ZNF142: variants seen among roughly 807,000 people sequenced by gnomAD.
The protein encoded by ZNF142 is zinc finger protein 142 (clone pHZ-49).
A neutral mutation model predicts 132.1 loss-of-function variants in ZNF142; 96 were observed. That is an observed-to-expected ratio of 0.73 (90% confidence interval 0.62 to 0.86). The LOEUF (loss-of-function observed/expected upper bound fraction) is 0.86. ZNF142 is among the 40% of genes least tolerant of loss of function. The pLI, the probability that ZNF142 is intolerant of heterozygous loss-of-function variation, is 0.00. For synonymous variants in ZNF142, 842 were observed against 890.1 expected, an observed-to-expected ratio of 0.95 and a Z score of 0.96; for missense variants, 2,163 against 2,336.2, an observed-to-expected ratio of 0.93 and a Z score of 1.53.
At chr2:218,640,913 C>T (rs1697127470) in intron 9 of ZNF142, 144 bp from the exon 10 acceptor site, 4 of 619,818 alleles carry the variant, frequency 6.5e-6, no homozygotes, top group Non-Finnish European at 8.3e-6. Context: ...TCTTAATCTT[C>T]AGTTTACTTG....
At position 218,634,113 on chromosome 2, in the gene ZNF142, T is replaced by A. The variant is rs776112869; in HGVS notation, c.*4226A>T. ...TCTATACCCTTTTACAGGCAATGAG[T>A]TTGTGCAGCACAATACTTGGCAGTT... On this transcript the variant is annotated 3_prime_UTR_variant, in exon 11 of 11. Coordinates refer to ENST00000411696, the MANE Select transcript of ZNF142 (RefSeq NM_001379659.1). This position sits in a 1 kb window ranked among gnomAD's most constrained non-coding sequence, Gnocchi z 4.0. 2 of 1,609,784 alleles carry A rather than the reference T, an allele frequency of 1.2e-6. No individual in the cohort carries two copies. Among genetic ancestry groups the A allele is most frequent in the South Asian group, 2.2e-5 (2 of 90,134 alleles).
rs1295819179 is a variant in ZNF142, at chr2:218,633,830, G to A, written c.*4509C>T. ...AGGTTCAGGCCTGATGGACTGGCAGGTAAGTCCCAAGAAAAAAGACAAGGT... is the reference window on the plus strand; with the variant it reads ...AGGTTCAGGCCTGATGGACTGGCAGATAAGTCCCAAGAAAAAAGACAAGGT... On this transcript the variant is annotated 3_prime_UTR_variant, in exon 11 of 11. Coordinates refer to ENST00000411696, the MANE Select transcript of ZNF142 (RefSeq NM_001379659.1). 4 of 1,559,522 alleles carry A rather than the reference G, an allele frequency of 2.6e-6. No individual in the cohort carries two copies. Among genetic ancestry groups the A allele is most frequent in the Non-Finnish European group, 3.5e-6 (4 of 1,140,102 alleles).
In ZNF142 at chr2:218,642,915, G is replaced by A. The variant is rs778485502; in HGVS notation, c.4201C>T (p.Gln1401Ter). The change falls in exon 9 of 11, where the codon CAG (glutamine) becomes TAG (stop). Residue 1401 changes from glutamine to a stop codon, truncating the protein, a stop_gained. Coordinates refer to ENST00000411696, the MANE Select transcript of ZNF142 (RefSeq NM_001379659.1). LOFTEE classifies it high-confidence loss of function. This position sits in a 1 kb window ranked among gnomAD's most constrained non-coding sequence, Gnocchi z 4.6. ...RLKHEGVKPH[Q>*]CPFCDFSTTR... ...GTCGAAAAGTCACAGAAGGGGCACTGATGGGGCTTCACCCCCTCGTGCTTG... is the reference window on the plus strand; with the variant it reads ...GTCGAAAAGTCACAGAAGGGGCACTAATGGGGCTTCACCCCCTCGTGCTTG... 1 of 1,613,924 alleles carries A rather than the reference G, an allele frequency of 6.2e-7. No homozygotes were observed. The highest frequency in any genetic ancestry group is 1.1e-5 in the South Asian group (1 of 91,090).
In ZNF142 at chr2:218,650,350, T is replaced by G; in HGVS notation, c.1048+9A>C. 1 of 1,614,118 alleles carries G rather than the reference T, an allele frequency of 6.2e-7. No homozygotes were observed. The highest frequency in any genetic ancestry group is 8.5e-7 in the Non-Finnish European group (1 of 1,180,030). On this transcript the variant is annotated intron_variant, in intron 6 of 10. Coordinates refer to ENST00000411696, the MANE Select transcript of ZNF142 (RefSeq NM_001379659.1). ...CCACCAAGGGCTTCAAGCCTCAGAA[T>G]GTCATTACCTTCCAGCCGCTGAGCC...
Position 218,650,497 on chromosome 2 carries a change from G to T in ZNF142, c.910C>A (p.Pro304Thr), listed in dbSNP as rs189959800. 5.5e-5 allele frequency: 88 copies of T among 1,605,192 alleles called. No homozygotes were observed. The East Asian group carries it at 1.9e-3, about 34-fold the overall frequency. The change falls in exon 6 of 11, where the codon CCT becomes ACT. Residue 304 changes from proline (P) to threonine (T), a missense_variant. Physicochemically the swap from Pro to Thr is conservative, Grantham distance 38. Transcript: ENST00000411696. ...AAGGGTGTACCTGCTTCCTGTGAAGGTTCTCTCTCTCCTGGAGGCAGTTTG... is the reference window on the plus strand; with the variant it reads ...AAGGGTGTACCTGCTTCCTGTGAAGTTTCTCTCTCTCCTGGAGGCAGTTTG... ...APKLPPGERE[P>T]SQEAGTPLPG...
Position 218,644,015 on chromosome 2 carries a change from C to T in ZNF142, c.3101G>A (p.Arg1034Gln), listed in dbSNP as rs1559292903. 22 of 1,613,964 alleles carry T rather than the reference C, an allele frequency of 1.4e-5. No homozygotes were observed. Among genetic ancestry groups the T allele is most frequent in the Admixed American group, 6.7e-5 (4 of 59,992 alleles). Residue 1034 changes from arginine (R) to glutamine (Q), a missense_variant, in exon 9 of 11, where the codon CGA becomes CAA. Arg to Gln is a conservative substitution (Grantham distance 43). Transcript: ENST00000411696. The surrounding 1 kb of genome is among the most constrained non-coding windows in gnomAD (Gnocchi z 4.6). Reference sequence around the variant, plus strand: ...AGGGCAGTGTGGGCAGCGGAAGGCTCGCCCCTCTCCCTGGATCACTACCAT... The same window carrying T: ...AGGGCAGTGTGGGCAGCGGAAGGCTTGCCCCTCTCCCTGGATCACTACCAT... ...VQMVVIQGEG[R>Q]AFRCPHCPFI...
In ZNF142 at chr2:218,638,288, C is replaced by G. The variant is rs761768678; in HGVS notation, c.*51G>C. The G allele has an allele frequency of 6.9e-7, 1 of 1,448,092 alleles. No individual in the cohort carries two copies. Among genetic ancestry groups the G allele is most frequent in the South Asian group, 1.5e-5 (1 of 66,216 alleles). The allele number at this position is 1,448,092 out of a possible 1,614,324, so 89.7% of individuals were successfully genotyped here. On this transcript the variant is annotated 3_prime_UTR_variant, in exon 11 of 11. Transcript: ENST00000411696. ...TCCTCAGGCTAGCGCTGGTCCCAGT[C>G]TGCACATCTCAGACCATACCCTCTT...
rs755371159 is a variant in ZNF142, at chr2:218,643,209, G to A, written c.3907C>T (p.Arg1303Cys). The change falls in exon 9 of 11, where the codon CGC becomes TGC. Residue 1303 changes from arginine (R) to cysteine (C), a missense_variant. Arg to Cys is a radical substitution (Grantham distance 180). Around this residue, in one of 7 missense-constraint regions of ZNF142, gnomAD observed 809 missense variants for 801.7 expected, o/e 1.01. Coordinates refer to ENST00000411696, the MANE Select transcript of ZNF142 (RefSeq NM_001379659.1). ...AAGGGACATGTAGGGCAGGAGAAGC[G>A]AGCCCCCTTCTGCTTTTGAACCAGA... ...TVLVQKQKGA[R>C]FSCPTCPFSC... 13 of 1,614,110 alleles carry A rather than the reference G, an allele frequency of 8.1e-6. No homozygotes were observed. Among genetic ancestry groups the A allele is most frequent in the South Asian group, 3.3e-5 (3 of 91,090 alleles).
At position 218,651,988 on chromosome 2, in the gene ZNF142, G is replaced by T. The variant is rs1442279491; in HGVS notation, c.593C>A (p.Ser198Tyr). ...GTPDTFSCPE[S>Y]GCVFSAEDRK... Reference sequence around the variant, plus strand: ...ATCTTCAGCAGAGAACACACAGCCAGATTCTGGGCAGGAGAAGGTGTCAGG... The same window carrying T: ...ATCTTCAGCAGAGAACACACAGCCATATTCTGGGCAGGAGAAGGTGTCAGG... Residue 198 changes from serine (S) to tyrosine (Y), a missense_variant, in exon 5 of 11, where the codon TCT becomes TAT. Ser to Tyr is a moderately radical substitution (Grantham distance 144, BLOSUM62 -2). Around this residue, in one of 7 missense-constraint regions of ZNF142, gnomAD observed 195 missense variants for 172.4 expected, o/e 1.13. Coordinates refer to ENST00000411696, the MANE Select transcript of ZNF142 (RefSeq NM_001379659.1). 1.3e-5 allele frequency: 10 copies of T among 770,954 alleles called. No homozygotes were observed. The highest frequency in any genetic ancestry group is 1.8e-5 in the African/African-American group (1 of 55,968). The allele number at this position is 770,954 out of a possible 1,614,324, so 47.8% of individuals were successfully genotyped here.
chr2:218,637,994 A>T lies in ZNF142; in HGVS notation c.*345T>A. On this transcript the variant is annotated 3_prime_UTR_variant, in exon 11 of 11. Transcript: ENST00000411696. The stretch of plus-strand genomic sequence containing the variant: ...ATACAACTGTTTTTAGAAGATTCTG[A>T]AAGAAAATAGGAATTGACACAGTAA... 4.8e-6 allele frequency: 1 copy of T among 209,672 alleles called. No individual in the cohort carries two copies. The highest frequency in any genetic ancestry group is 9.4e-6 in the Non-Finnish European group (1 of 106,364). 13.0% of individuals were successfully genotyped at this position (209,672 alleles called of 1,614,324 possible). A position where few individuals can be genotyped will look rare whatever the true frequency, so the allele number is the denominator to read the frequency against.
chr2:218,651,087 A>G (rs1249662442), intron 5 of ZNF142, among the ~76,000 whole-genome samples: 1 of 151,608 alleles, frequency 6.6e-6, no homozygotes, highest in Non-Finnish European at 1.5e-5. Flanking sequence ...CCTGAGCTCA[A>G]GTGATCCCCC....
In ZNF142 at chr2:218,644,378, T is replaced by C. The variant is rs1202629952; in HGVS notation, c.2738A>G (p.Glu913Gly). The C allele has an allele frequency of 6.2e-7, 1 of 1,613,956 alleles. No individual in the cohort carries two copies. The highest frequency in any genetic ancestry group is 1.3e-5 in the African/African-American group (1 of 74,896). The change falls in exon 9 of 11, where the codon GAG (glutamate) becomes GGG (glycine). Residue 913 changes from glutamate to glycine, a missense_variant. By Grantham distance (98) the Glu-to-Gly change is moderately conservative. Transcript: ENST00000411696. The surrounding 1 kb of genome is among the most constrained non-coding windows in gnomAD (Gnocchi z 4.6). ...ELESVTEPPLEEVTETAPMEF... is the reference protein window; with the variant it reads ...ELESVTEPPLGEVTETAPMEF... ...CATAGGGGCTGTTTCAGTGACCTCC[T>C]CAAGGGGTGGCTCAGTCACAGACTC...
rs118037113 is a variant in ZNF142, at chr2:218,656,991, T to C, written c.-34-528A>G. ...GCCACACACGCCCAGGTAAATTTTG[T>C]ATTTTTAACAGCGATGGAGTTTCAC... is the stretch of plus-strand genomic sequence containing the variant. On this transcript the variant is annotated intron_variant, in intron 3 of 10. Transcript: ENST00000411696. Among the ~76,000 whole-genome samples, 204 of 152,214 alleles carry C rather than the reference T, an allele frequency of 1.3e-3. 2 individuals carry two copies. The East Asian group carries it at 0.037, about 28-fold the overall frequency.
At chr2:218,653,140 C>T (rs1372381006) in intron 4 of ZNF142, among the ~76,000 whole-genome samples, 1 of 151,952 alleles carries the variant, frequency 6.6e-6, no homozygotes, top group Non-Finnish European at 1.5e-5. Context: ...ATTAGCCAGG[C>T]GTGGTGGCAC....
rs368561261 is a variant in ZNF142, at chr2:218,644,477, C to G, written c.2639G>C (p.Gly880Ala). The change falls in exon 9 of 11, where the codon GGT becomes GCT. Residue 880 changes from glycine to alanine, a missense_variant. Physicochemically the swap from Gly to Ala is moderately conservative, Grantham distance 60 (BLOSUM62 0). Coordinates refer to ENST00000411696, the MANE Select transcript of ZNF142 (RefSeq NM_001379659.1). This position sits in a 1 kb window ranked among gnomAD's most constrained non-coding sequence, Gnocchi z 4.6. Reference sequence around the variant, plus strand: ...CACCTCTGCTGGGCTGGGACTGCCACCCAGGTCACCCCCATGGGGAGCCTC... The same window carrying G: ...CACCTCTGCTGGGCTGGGACTGCCAGCCAGGTCACCCCCATGGGGAGCCTC... ...GSEAPHGGDLGGSPSPAEVEE... is the reference protein window; with the variant it reads ...GSEAPHGGDLAGSPSPAEVEE... The G allele has an allele frequency of 1.2e-6, 2 of 1,613,990 alleles. No individual in the cohort carries two copies. Among genetic ancestry groups the G allele is most frequent in the South Asian group, 1.1e-5 (1 of 91,078 alleles).
chr2:218,650,974 CCTTT>C (rs1005164626), intron 5 of ZNF142, among the ~76,000 whole-genome samples: 3 of 147,088 alleles, frequency 2.0e-5, no homozygotes, highest in Admixed American at 7.2e-5. Flanking sequence ...TTCCTAAGTT[CCTTT>C]CTTTACTTCT....
In ZNF142 at chr2:218,651,836, G is replaced by A. The variant is rs1350537033; in HGVS notation, c.745C>T (p.Pro249Ser). ...GMELHRQAHY[P>S]FHCSHCSFIG... ...AAGCTGCAGTGGCTGCAGTGGAAAG[G>A]GTAATGCGCCTGCCGGTGCAGCTCC... is the stretch of plus-strand genomic sequence containing the variant. Residue 249 changes from proline to serine, a missense_variant, in exon 5 of 11, where the codon CCT (proline) becomes TCT (serine). Around this residue, in one of 7 missense-constraint regions of ZNF142, gnomAD observed 63 missense variants for 104.1 expected, o/e 0.61. Transcript: ENST00000411696. The A allele has an allele frequency of 1.6e-6, 2 of 1,289,858 alleles. No individual in the cohort carries two copies. The highest frequency in any genetic ancestry group is 2.0e-6 in the Non-Finnish European group (2 of 988,856). The allele number at this position is 1,289,858 out of a possible 1,614,324, so 79.9% of individuals were successfully genotyped here. A position where few individuals can be genotyped will look rare whatever the true frequency, so the allele number is the denominator to read the frequency against.
rs1176090369 is a variant in ZNF142 at position 218,643,001 on chromosome 2, T to G, written c.4115A>C (p.Gln1372Pro). Residue 1372 changes from glutamine to proline, a missense_variant, in exon 9 of 11, where the codon CAG (glutamine) becomes CCG (proline). Gln to Pro is a moderately conservative substitution (Grantham distance 76). Around this residue, in one of 7 missense-constraint regions of ZNF142, gnomAD observed 809 missense variants for 801.7 expected, o/e 1.01. Coordinates refer to ENST00000411696, the MANE Select transcript of ZNF142 (RefSeq NM_001379659.1). Reference sequence around the variant, plus strand: ...ACAGGTGAAGCCACAGTCCCCACACTGTAGATGGGGCCGGGGCCCACGGGC... The same window carrying G: ...ACAGGTGAAGCCACAGTCCCCACACGGTAGATGGGGCCGGGGCCCACGGGC... ...APARGPRPHL[Q>P]CGDCGFTCKQ... 1.2e-6 allele frequency: 2 copies of G among 1,610,788 alleles called. No individual in the cohort carries two copies. The highest frequency in any genetic ancestry group is 1.7e-6 in the Non-Finnish European group (2 of 1,178,380).
chr2:218,642,009 C>T lies in ZNF142; in HGVS notation c.5088+19G>A. ...GCCTGTGCTCCTTCCACTTCCTGCCCCATATCCTCTGACATTACCTTGAGA... is the reference window on the plus strand; with the variant it reads ...GCCTGTGCTCCTTCCACTTCCTGCCTCATATCCTCTGACATTACCTTGAGA... On this transcript the variant is annotated intron_variant, in intron 9 of 10. Coordinates refer to ENST00000411696, the MANE Select transcript of ZNF142 (RefSeq NM_001379659.1). The surrounding 1 kb of genome is among the most constrained non-coding windows in gnomAD (Gnocchi z 4.6). 1.2e-6 allele frequency: 2 copies of T among 1,607,272 alleles called. No individual in the cohort carries two copies. The highest frequency in any genetic ancestry group is 1.7e-6 in the Non-Finnish European group (2 of 1,175,320).
Sources: gnomAD v4.1 joint callset for allele counts (sites outside exome capture counted in the v4.1 genomes callset) on GRCh38, gnomAD v4.1.1 for gene constraint, gnomAD v4.1.1 regional missense constraint, Gnocchi (gnomAD v3.1) non-coding constraint, MANE v1.5 for transcripts, NCBI Gene and HGNC (gene_info 2026-07-23, HGNC 2026-07-21) for gene names.